SYNPR: variants seen among roughly 807,000 people sequenced by gnomAD.
SYNPR encodes synaptoporin.
SYNPR carries 23 observed loss-of-function variants against 32.9 expected under a neutral mutation model. The ratio of observed to expected loss-of-function variants is 0.70; its 90% confidence interval spans 0.50 to 0.99. The LOEUF (loss-of-function observed/expected upper bound fraction) is 0.99, where lower values mean the gene tolerates loss of function less well. Ranked by LOEUF, SYNPR falls within the 50% of genes least tolerant of loss-of-function variation. The pLI, the probability that SYNPR is intolerant of heterozygous loss-of-function variation, is 0.00. For missense variants in SYNPR, 318 were observed against 349.3 expected, an observed-to-expected ratio of 0.91 and a Z score of 0.71; for synonymous variants, 146 against 135.9, an observed-to-expected ratio of 1.07 and a Z score of -0.52.
chr3:63,363,470 C>T (rs1210869857), intron 2 of SYNPR, among the ~76,000 whole-genome samples: 2 of 152,078 alleles, frequency 1.3e-5, no homozygotes, highest in Non-Finnish European at 2.9e-5. Flanking sequence ...GGCTGAACCA[C>T]GAAGCAAACT....
At chr3:63,377,180 C>T (rs761128216) in intron 2 of SYNPR, among the ~76,000 whole-genome samples, 1 of 152,028 alleles carries the variant, frequency 6.6e-6, no homozygotes, top group Non-Finnish European at 1.5e-5. Flanking sequence ...ATGACTTAAA[C>T]GTTCAAGAAA....
At position 63,556,621 on chromosome 3, in the gene SYNPR, G is replaced by C. The variant is rs370783898; in HGVS notation, c.288G>C (p.Ser96=). 6.2e-6 allele frequency: 10 copies of C among 1,613,838 alleles called. No individual in the cohort carries two copies. The East Asian group carries it at 2.2e-4, about 36-fold the overall frequency. Reference sequence around the variant, plus strand: ...AGCTGGCATTGATTGGTGACTCCTCGTCTTCAGCAGAGTTCTTCGTCACTG... The same window carrying C: ...AGCTGGCATTGATTGGTGACTCCTCCTCTTCAGCAGAGTTCTTCGTCACTG... ...RQKLALIGDS[S]SSAEFFVTVA... is the part of the protein sequence containing the mutation. Residue 96 remains serine (S), a synonymous_variant, in exon 4 of 6, where the codon TCG becomes TCC. Coordinates refer to ENST00000478300, the MANE Select transcript of SYNPR (RefSeq NM_001130003.2).
At chr3:63,417,493 C>T (rs1357707176) in intron 2 of SYNPR, among the ~76,000 whole-genome samples, 1 of 152,246 alleles carries the variant, frequency 6.6e-6, no homozygotes, top group Non-Finnish European at 1.5e-5. Context: ...CTTCTCACAG[C>T]TCCACTAGGC....
intron 3 of SYNPR, among the ~76,000 whole-genome samples, chr3:63,546,391 T>A (rs1167817094): frequency 2.6e-5 from 4 of 151,990 alleles, no homozygotes; most frequent in Non-Finnish European, 5.9e-5. Flanking sequence ...AGGAGTGAAA[T>A]TTGAAAAGAT....
At chr3:63,522,030 G>T (rs1701925915) in intron 3 of SYNPR, among the ~76,000 whole-genome samples, 1 of 152,178 alleles carries the variant, frequency 6.6e-6, no homozygotes, top group Non-Finnish European at 1.5e-5. Context: ...GATCTGGAGG[G>T]ACAAAGGACA....
At chr3:63,390,391 C>A (rs1465270173) in intron 2 of SYNPR, among the ~76,000 whole-genome samples, 2 of 152,048 alleles carry the variant, frequency 1.3e-5, no homozygotes, top group Non-Finnish European at 2.9e-5. Context: ...TTGATGTGAG[C>A]CACTGAAAGG....
rs142159721 is a variant in SYNPR, at chr3:63,531,855, T to G, written c.210-24688T>G. 8.3e-3 allele frequency among the ~76,000 whole-genome samples: 1,270 copies of G among 152,278 alleles called. 14 individuals carry two copies. The highest frequency in any genetic ancestry group is 0.029 in the African/African-American group (1,218 of 41,546). ...GAACCTAGCTGTAAACTTAGGGCAC[T>G]GGTGTTGGGGAAATGAGAGTAGCAT... On this transcript the variant is annotated intron_variant, in intron 3 of 5. Transcript: ENST00000478300.
chr3:63,250,194 A>T (rs1319849446), intron 1 of SYNPR, among the ~76,000 whole-genome samples: 1 of 152,206 alleles, frequency 6.6e-6, no homozygotes, highest in African/African-American at 2.4e-5. Context: ...ATGAATGTTC[A>T]GACCACAAAG....
chr3:63,409,278 A>G (rs1049056646), intron 2 of SYNPR, among the ~76,000 whole-genome samples: 1 of 152,022 alleles, frequency 6.6e-6, no homozygotes, highest in Non-Finnish European at 1.5e-5. Flanking sequence ...AAAACTAAAC[A>G]TCGATTTTTT....
chr3:63,428,116 T>C (rs958989915), intron 2 of SYNPR, among the ~76,000 whole-genome samples: 1 of 152,212 alleles, frequency 6.6e-6, no homozygotes, highest in African/African-American at 2.4e-5. Context: ...TTACATGATA[T>C]CTTCCATTTA....
At chr3:63,411,615 C>A (rs2088466392) in intron 2 of SYNPR, among the ~76,000 whole-genome samples, 1 of 152,026 alleles carries the variant, frequency 6.6e-6, no homozygotes, top group South Asian at 2.1e-4. Context: ...CAAGAGACAG[C>A]CAGCGGGTGA....
At chr3:63,238,407 C>T (rs914864891) in intron 1 of SYNPR, among the ~76,000 whole-genome samples, 3 of 151,798 alleles carry the variant, frequency 2.0e-5, no homozygotes, top group Non-Finnish European at 4.4e-5. Flanking sequence ...CTGATTGGTT[C>T]GGGCTTTCTT....
At chr3:63,582,410 T>C (rs952339688) in intron 4 of SYNPR, among the ~76,000 whole-genome samples, 4 of 152,082 alleles carry the variant, frequency 2.6e-5, no homozygotes, top group African/African-American at 9.7e-5. Context: ...TAATATACCA[T>C]AGATCATATG....
chr3:63,346,316 TTTTGGTAGATTTA>T lies in SYNPR; in HGVS notation c.84+67576_84+67588del, dbSNP rs1247772391. Among the ~76,000 whole-genome samples, 7 of 152,224 alleles carry T rather than the reference TTTTGGTAGATTTA, an allele frequency of 4.6e-5. No homozygotes were observed. In the South Asian group the frequency reaches 1.4e-3, roughly 32 times the overall value. On this transcript the variant is annotated intron_variant, in intron 2 of 5. Transcript: ENST00000478300. ...ACTATTATGACAATTTTTTTCATTT[TTTTGGTAGATTTA>T]TGTTTATATAAACCACTGTTGAAGT... is the stretch of plus-strand genomic sequence containing the variant.
Position 63,555,467 on chromosome 3 carries a change from T to C in SYNPR, c.210-1076T>C, listed in dbSNP as rs560755675. Among the ~76,000 whole-genome samples the C allele has an allele frequency of 6.6e-5, 10 of 152,170 alleles. 1 individual carries two copies. Among genetic ancestry groups the C allele is most frequent in the South Asian group, 2.1e-4 (1 of 4,808 alleles). ...TTTTGGCCTCTATATTAAATTATAG[T>C]TCACGACTTAGTTCCAGTTCACACC... On this transcript the variant is annotated intron_variant, in intron 3 of 5. Coordinates refer to ENST00000478300, the MANE Select transcript of SYNPR (RefSeq NM_001130003.2).
intron 3 of SYNPR, among the ~76,000 whole-genome samples, chr3:63,530,128 C>T (rs1417365349): frequency 2.0e-5 from 3 of 152,054 alleles, no homozygotes; most frequent in African/African-American, 7.2e-5. Context: ...AGTAAAAACA[C>T]CCTAGGAGAT....
intron 2 of SYNPR, among the ~76,000 whole-genome samples, chr3:63,461,459 C>T (rs781530106): frequency 6.6e-6 from 1 of 152,092 alleles, no homozygotes; most frequent in Non-Finnish European, 1.5e-5. Flanking sequence ...CTTCTTACAT[C>T]TTTGTCCTGG....
intron 4 of SYNPR, among the ~76,000 whole-genome samples, chr3:63,581,678 G>A (rs17399554): frequency 0.23 from 35,096 of 151,788 alleles, 4,189 homozygotes; most frequent in Non-Finnish European, 0.25. Context: ...GTACAACACG[G>A]TCCTAAATAC....
rs1372231990 is a variant in SYNPR at position 63,290,985 on chromosome 3, G to C, written c.84+12243G>C. On this transcript the variant is annotated intron_variant, in intron 2 of 5. Transcript: ENST00000478300. ...AAGATAGAAGAGTTAGATTGGCATG[G>C]AGATATTAGAAAATTACTGAGCACA... 2.0e-5 allele frequency among the ~76,000 whole-genome samples: 3 copies of C among 152,294 alleles called. No individual in the cohort carries two copies. In the East Asian group the frequency reaches 5.8e-4, roughly 29 times the overall value.
Sources: gnomAD v4.1 joint callset for allele counts (sites outside exome capture counted in the v4.1 genomes callset) on GRCh38, gnomAD v4.1.1 for gene constraint, MANE v1.5 for transcripts, NCBI Gene and HGNC (gene_info 2026-07-23, HGNC 2026-07-21) for gene names.